Variants in MID1 observed in about 807,000 individuals in gnomAD.
The protein encoded by MID1 is midline 1.
In MID1, 7 loss-of-function variants were observed where a neutral mutation model predicts 40.4. That is an observed-to-expected ratio of 0.17 (90% CI 0.10 to 0.33). MID1 has a LOEUF of 0.33. Ranked by LOEUF, MID1 falls within the 10% of genes least tolerant of loss-of-function variation. MID1 has a pLI of 1.00. For synonymous variants in MID1, 229 were observed against 221.2 expected, an observed-to-expected ratio of 1.04 and a Z score of -0.31; for missense variants, 367 against 558.5, an observed-to-expected ratio of 0.66 and a Z score of 3.46.
At chrX:10,722,795 G>T (rs1341144566) in intron 1 of MID1, among the ~76,000 whole-genome samples, 6 of 111,797 alleles carry the variant, frequency 5.4e-5, no homozygotes, top group East Asian at 5.6e-4. Flanking sequence ...TGGGAGCCCC[G>T]GTCGGAACTG....
At chrX:10,578,219 A>T (rs1934922706) in intron 1 of MID1, among the ~76,000 whole-genome samples, 1 of 112,972 alleles carries the variant, frequency 8.9e-6, no homozygotes, top group Admixed American at 9.3e-5. Context: ...AGGATTACTC[A>T]ATTTCACATA....
At chrX:10,696,258 T>C (rs1278018871) in intron 1 of MID1, among the ~76,000 whole-genome samples, 1 of 111,710 alleles carries the variant, frequency 9.0e-6, no homozygotes, top group Non-Finnish European at 1.9e-5. Flanking sequence ...AGTGAGCATG[T>C]GCATCACTTC....
At chrX:10,613,732 T>TATATATATATCTATATAG (rs1482081086) in intron 1 of MID1, among the ~76,000 whole-genome samples, 1 of 17,469 alleles carries the variant, frequency 5.7e-5, no homozygotes. Context: ...TATATATATA[T>TATATATATATCTATATAG]AGAGAGAGAG....
intron 2 of MID1, among the ~76,000 whole-genome samples, chrX:10,529,576 C>A (rs748979851): frequency 1.3e-4 from 15 of 111,980 alleles, no homozygotes; most frequent in Admixed American, 1.3e-3. Flanking sequence ...CCTTTCCTTT[C>A]GTGGTCAGTA....
intron 1 of MID1, among the ~76,000 whole-genome samples, chrX:10,638,508 A>C (rs912462414): frequency 8.9e-6 from 1 of 112,180 alleles, no homozygotes. Flanking sequence ...AGCTGCCAGG[A>C]AGCTCAAACT....
chrX:10,473,187 C>T (rs1056877498), intron 6 of MID1, among the ~76,000 whole-genome samples: 2 of 111,220 alleles, frequency 1.8e-5, no homozygotes, highest in African/African-American at 3.3e-5. Context: ...AGGCAGCTAA[C>T]GCTGGATAGT....
Position 10,633,061 on chromosome X carries a change from C to T in MID1, c.-186-12642G>A, listed in dbSNP as rs567235218. Among the ~76,000 whole-genome samples, 56 of 111,453 alleles carry T rather than the reference C, an allele frequency of 5.0e-4. No homozygotes were observed. The South Asian group carries it at 0.019, about 39-fold the overall frequency. On this transcript the variant is annotated intron_variant, in intron 1 of 10. Transcript: ENST00000380785. ...CCTGAAGGGGATCAGAATATGCCAA[C>T]CCCAAATATGCCTCTTTGGCATAAT...
Position 10,781,525 on chromosome X carries a change from C to T in MID1, c.-187+52029G>A, listed in dbSNP as rs144814695. 3.4e-3 allele frequency among the ~76,000 whole-genome samples: 383 copies of T among 112,182 alleles called. 4 individuals carry two copies. The highest frequency in any genetic ancestry group is 0.012 in the African/African-American group (364 of 30,921). On this transcript the variant is annotated intron_variant, in intron 1 of 10. Coordinates refer to the MID1 transcript ENST00000380785. ...ATTTCTCAGAGTCTTTCTAGTGCAT[C>T]ATATGACATTAATTCATTGTTGCTG...
At chrX:10,596,712 T>C (rs1935418495) in intron 1 of MID1, among the ~76,000 whole-genome samples, 4 of 111,737 alleles carry the variant, frequency 3.6e-5, no homozygotes, top group African/African-American at 1.3e-4. Context: ...AGACAGTTTA[T>C]GAATTTAAAA....
In MID1 at chrX:10,459,707, C is replaced by T. The variant is rs1291943707; in HGVS notation, c.1386G>A (p.Met462Ile). Residue 462 changes from methionine (M) to isoleucine (I), a missense_variant, in exon 8 of 10, where the codon ATG (methionine) becomes ATA (isoleucine). Around this residue, in one of 3 missense-constraint regions of MID1, gnomAD observed 275 missense variants for 383.1 expected, o/e 0.72. Coordinates refer to ENST00000317552, the MANE Select transcript of MID1 (RefSeq NM_000381.4). ...TGCCCGCCTGGTTGATGGCCTTGAC[C>T]ATGAAGATGTACTTGGTGCCGCTCT... ...GLQSGTKYIFMVKAINQAGSR... is the reference protein window; with the variant it reads ...GLQSGTKYIFIVKAINQAGSR... The T allele has an allele frequency of 2.5e-6, 3 of 1,211,655 alleles. No homozygotes were observed. Among genetic ancestry groups the T allele is most frequent in the South Asian group, 3.5e-5 (2 of 57,004 alleles).
intron 1 of MID1, among the ~76,000 whole-genome samples, chrX:10,629,258 C>T (rs1936027657): frequency 9.1e-6 from 1 of 109,753 alleles, no homozygotes; most frequent in Admixed American, 9.7e-5. Context: ...TGTGCAGTGG[C>T]GTGATCTCAG....
intron 1 of MID1, among the ~76,000 whole-genome samples, chrX:10,658,392 A>C (rs1392533010): frequency 1.0e-5 from 1 of 96,943 alleles, no homozygotes; most frequent in Non-Finnish European, 2.0e-5. Context: ...AGCGGCCCAC[A>C]AAATCCACAG....
chrX:10,727,931 T>C (rs767076917), intron 1 of MID1, among the ~76,000 whole-genome samples: 26 of 112,088 alleles, frequency 2.3e-4, no homozygotes, highest in Non-Finnish European at 4.3e-4. Context: ...ATGAAGAAAA[T>C]AAGTGATCTG....
intron 2 of MID1, among the ~76,000 whole-genome samples, chrX:10,539,427 C>G (rs1315722589): frequency 1.8e-5 from 2 of 111,311 alleles, no homozygotes; most frequent in African/African-American, 6.5e-5. Context: ...ATGTGCTAGC[C>G]CTAGGATTTT....
chrX:10,767,328 CT>C (rs760320113), intron 1 of MID1, among the ~76,000 whole-genome samples: 8 of 110,628 alleles, frequency 7.2e-5, no homozygotes, highest in South Asian at 3.9e-4. Context: ...TTCTTTCTTT[CT>C]TTCTTTCTTT....
chrX:10,465,187 TTATA>T (rs1170214071), intron 7 of MID1, among the ~76,000 whole-genome samples: 122 of 48,056 alleles, frequency 2.5e-3, no homozygotes, highest in African/African-American at 8.8e-3. Flanking sequence ...GTCTGAAATT[TTATA>T]TATATATATA....
intron 1 of MID1, among the ~76,000 whole-genome samples, chrX:10,809,208 C>T (rs2044074574): frequency 8.9e-6 from 1 of 111,854 alleles, no homozygotes; most frequent in South Asian, 3.8e-4. Flanking sequence ...CAGAGAAATG[C>T]AAATCAAAAC....
intron 1 of MID1, among the ~76,000 whole-genome samples, chrX:10,804,331 T>C (rs948059404): frequency 1.8e-5 from 2 of 112,238 alleles, no homozygotes; most frequent in African/African-American, 6.5e-5. Context: ...CCTTTTAGAA[T>C]GCCTTGTAAT....
intron 2 of MID1, among the ~76,000 whole-genome samples, chrX:10,559,035 T>C (rs944936228): frequency 2.7e-5 from 3 of 111,720 alleles, no homozygotes; most frequent in Non-Finnish European, 5.6e-5. Context: ...CTGCCTTGAG[T>C]TTCCCATTAA....
Sources: allele counts gnomAD v4.1 joint callset (sites outside exome capture counted in the v4.1 genomes callset), GRCh38; gene constraint gnomAD v4.1.1; regional missense constraint gnomAD v4.1.1; transcripts MANE v1.5; gene names NCBI Gene and HGNC (gene_info 2026-07-23, HGNC 2026-07-21).